The following SDK1 variants were observed in gnomAD, a reference collection of about 807,000 sequenced individuals.
SDK1 encodes sidekick cell adhesion molecule 1.
In SDK1, 157 loss-of-function variants were observed where a neutral mutation model predicts 245.5. That is an observed-to-expected ratio of 0.64 (90% CI 0.56 to 0.73). SDK1 has a LOEUF of 0.73. Ranked by LOEUF, SDK1 falls within the 30% of genes least tolerant of loss-of-function variation. The probability of loss-of-function intolerance (pLI) is 0.00; values close to 1 mark genes in which losing one functional copy is unlikely to be tolerated. For missense variants in SDK1, 3,583 were observed against 3,002.3 expected, an observed-to-expected ratio of 1.19 and a Z score of -4.52; for synonymous variants, 1,647 against 1,278.5, an observed-to-expected ratio of 1.29 and a Z score of -6.15.
intron 4 of SDK1, among the ~76,000 whole-genome samples, chr7:3,644,945 G>T (rs1415410724): frequency 6.6e-6 from 1 of 151,854 alleles, no homozygotes; most frequent in Non-Finnish European, 1.5e-5. Context: ...GGGGGAGTTA[G>T]ATTGAATTAG....
chr7:4,127,603 G>T (rs1784476265), intron 26 of SDK1, 107 bp downstream of exon 26: 1 of 773,118 alleles, frequency 1.3e-6, no homozygotes, highest in Admixed American at 2.1e-5. Context: ...CTACAGATCT[G>T]CAGCGTCAGC....
chr7:3,333,804 T>G (rs915716180), intron 1 of SDK1, among the ~76,000 whole-genome samples: 14 of 152,218 alleles, frequency 9.2e-5, no homozygotes, highest in African/African-American at 3.4e-4. Flanking sequence ...ATTAAATTTC[T>G]TGGTGAATTG....
At chr7:3,953,132 A>G (rs748451401) in intron 7 of SDK1, among the ~76,000 whole-genome samples, 3 of 151,830 alleles carry the variant, frequency 2.0e-5, no homozygotes, top group African/African-American at 7.3e-5. Flanking sequence ...GAGCCCCTTA[A>G]ATAAAAAAAT....
intron 28 of SDK1, among the ~76,000 whole-genome samples, chr7:4,136,235 G>C (rs1779081830): frequency 6.6e-6 from 1 of 152,194 alleles, no homozygotes; most frequent in Non-Finnish European, 1.5e-5. Flanking sequence ...ATGTTGTCCG[G>C]GTAACCTGTC....
rs762691805 is a variant in SDK1 at position 3,821,503 on chromosome 7, C to T, written c.767C>T (p.Ala256Val). The T allele has an allele frequency of 1.1e-5, 17 of 1,613,542 alleles. No individual in the cohort carries two copies. Among genetic ancestry groups the T allele is most frequent in the Non-Finnish European group, 1.4e-5 (16 of 1,179,796 alleles). The change falls in exon 5 of 45, where the codon GCC becomes GTC. Residue 256 changes from alanine to valine, a missense_variant. Ala to Val is a moderately conservative substitution (Grantham distance 64, BLOSUM62 0). Coordinates refer to ENST00000404826, the MANE Select transcript of SDK1 (RefSeq NM_152744.4). The part of the protein sequence containing the change: ...LVILATTTSD[A>V]GAYYVQAVNE... ...ATCCTCGCCACCACAACCAGTGATG[C>T]CGGGGCATACTACGTGCAGGCCGTG...
intron 1 of SDK1, chr7:3,338,326 C>G (rs372552669): frequency 2.0e-6 from 1 of 499,428 alleles, no homozygotes; most frequent in Admixed American, 2.2e-5. Context: ...TACGATGTTA[C>G]TCAGCATGCT....
chr7:3,790,569 A>G (rs1256330196), intron 4 of SDK1, among the ~76,000 whole-genome samples: 1 of 152,202 alleles, frequency 6.6e-6, no homozygotes, highest in Non-Finnish European at 1.5e-5. Context: ...GCACTTTGGG[A>G]GGCTGAGGTG....
intron 4 of SDK1, among the ~76,000 whole-genome samples, chr7:3,738,943 A>G (rs1208514266): frequency 2.0e-5 from 3 of 151,706 alleles, no homozygotes; most frequent in Non-Finnish European, 2.9e-5. Context: ...TGTTCTATGT[A>G]TAAGATCAAT....
rs1266539957 is a variant in SDK1, at chr7:3,745,434, G to A, written c.714-76016G>A. ...GCCAGTGGTGAAATGTTGCATAACT[G>A]GAGTGTGGCATAAAGACTGAGAAAC... is the stretch of plus-strand genomic sequence containing the variant. On this transcript the variant is annotated intron_variant, in intron 4 of 44. Transcript: ENST00000404826. Among the ~76,000 whole-genome samples, 5 of 152,264 alleles carry A rather than the reference G, an allele frequency of 3.3e-5. No individual in the cohort carries two copies. The East Asian group carries it at 9.6e-4, about 29-fold the overall frequency.
intron 5 of SDK1, 28 bp downstream of exon 5, chr7:3,821,611 T>A: frequency 6.2e-7 from 1 of 1,607,960 alleles, no homozygotes; most frequent in Non-Finnish European, 8.5e-7. Context: ...AAATGGTAAT[T>A]CTGCAAGCAA....
In SDK1 at chr7:4,174,274, A is replaced by G. The variant is rs1233224034; in HGVS notation, c.4853A>G (p.Tyr1618Cys). The G allele has an allele frequency of 1.2e-6, 2 of 1,613,584 alleles. No individual in the cohort carries two copies. The highest frequency in any genetic ancestry group is 4.5e-5 in the East Asian group (2 of 44,868). ...CTTCTTCAGGGATACAGGATCTACT[A>G]CAGGGAGCTGGAGTATGAAGCCGGG... ...NGLLQGYRIY[Y>C]RELEYEAGSG... Residue 1618 changes from tyrosine to cysteine, a missense_variant, in exon 33 of 45, where the codon TAC becomes TGC. Physicochemically the swap from Tyr to Cys is radical, Grantham distance 194 (BLOSUM62 -2). Transcript: ENST00000404826.
At chr7:3,787,350 ATAGT>A (rs987400725) in intron 4 of SDK1, among the ~76,000 whole-genome samples, 98 of 152,338 alleles carry the variant, frequency 6.4e-4, no homozygotes, top group African/African-American at 2.2e-3. Context: ...CACAAAGAAA[ATAGT>A]TACTTCATTT....
At chr7:3,972,062 C>A (rs1782529201) in intron 12 of SDK1, among the ~76,000 whole-genome samples, 1 of 148,112 alleles carries the variant, frequency 6.8e-6, no homozygotes, top group Non-Finnish European at 1.5e-5. Flanking sequence ...AAGAGGGAGG[C>A]CAGATGTGAG....
intron 8 of SDK1, among the ~76,000 whole-genome samples, chr7:3,959,283 G>T (rs551641505): frequency 1.8e-4 from 27 of 152,172 alleles, no homozygotes; most frequent in African/African-American, 6.3e-4. Context: ...ACAGAGAGGG[G>T]ACTCCATCAT....
chr7:3,896,129 T>A (rs1430876494), intron 5 of SDK1, among the ~76,000 whole-genome samples: 1 of 152,220 alleles, frequency 6.6e-6, no homozygotes, highest in Non-Finnish European at 1.5e-5. Flanking sequence ...TGTTTACTGA[T>A]TTTCTAAGTT....
At chr7:3,930,766 C>G (rs1349607723) in intron 5 of SDK1, among the ~76,000 whole-genome samples, 2 of 151,990 alleles carry the variant, frequency 1.3e-5, no homozygotes, top group Non-Finnish European at 2.9e-5. Flanking sequence ...TCACTCCAGC[C>G]TGGGTGACAG....
In SDK1 at chr7:3,796,965, T is replaced by C. The variant is rs747233611; in HGVS notation, c.714-24485T>C. Among the ~76,000 whole-genome samples, 15 of 152,120 alleles carry C rather than the reference T, an allele frequency of 9.9e-5. 1 individual carries two copies. Among genetic ancestry groups the C allele is most frequent in the Admixed American group, 5.2e-4 (8 of 15,264 alleles). The stretch of plus-strand genomic sequence containing the variant: ...TTAGATACACATAAATGTGATCATA[T>C]ATTTTCTTTTTTTTTCCTTTTCTTT... On this transcript the variant is annotated intron_variant, in intron 4 of 44. Coordinates refer to ENST00000404826, the MANE Select transcript of SDK1 (RefSeq NM_152744.4).
intron 4 of SDK1, among the ~76,000 whole-genome samples, chr7:3,680,584 A>C (rs988811608): frequency 1.3e-5 from 2 of 152,216 alleles, no homozygotes; most frequent in African/African-American, 4.8e-5. Context: ...TTAGATGAAG[A>C]GTACATAAGA....
intron 1 of SDK1, among the ~76,000 whole-genome samples, chr7:3,440,279 T>C (rs1203862326): frequency 6.6e-6 from 1 of 152,186 alleles, no homozygotes; most frequent in Non-Finnish European, 1.5e-5. Flanking sequence ...GTATATTTTT[T>C]CAAATGAAGG....
Sources: gnomAD v4.1 joint callset for allele counts (sites outside exome capture counted in the v4.1 genomes callset) on GRCh38, gnomAD v4.1.1 for gene constraint, MANE v1.5 for transcripts, NCBI Gene and HGNC (gene_info 2026-07-23, HGNC 2026-07-21) for gene names.